Variants in FER observed in about 807,000 individuals in gnomAD.
FER encodes tyrosine-protein kinase Fer.
FER carries 63 observed loss-of-function variants against 111.0 expected under a neutral mutation model. That is an observed-to-expected ratio of 0.57 (90% CI 0.46 to 0.70). The LOEUF (loss-of-function observed/expected upper bound fraction) is 0.70. Ranked by LOEUF, FER falls within the 30% of genes least tolerant of loss-of-function variation. The pLI, the probability that FER is intolerant of heterozygous loss-of-function variation, is 0.00. For synonymous variants in FER, 327 were observed against 313.9 expected (o/e 1.04, Z -0.44); for missense variants, 914 against 954.0 (o/e 0.96, Z 0.55).
intron 17 of FER, among the ~76,000 whole-genome samples, chr5:109,152,854 C>T (rs913019889): frequency 2.0e-4 from 30 of 151,938 alleles, no homozygotes; most frequent in Middle Eastern, 6.8e-3. Flanking sequence ...ATAAAACTTT[C>T]ATTGTAAAAG....
intron 10 of FER, among the ~76,000 whole-genome samples, chr5:108,935,150 C>G (rs1401754038): frequency 6.6e-6 from 1 of 152,056 alleles, no homozygotes. Context: ...AAAATTACCA[C>G]AAATTTGGTG....
intron 10 of FER, among the ~76,000 whole-genome samples, chr5:108,900,227 T>A (rs1331000002): frequency 6.6e-6 from 1 of 152,022 alleles, no homozygotes; most frequent in Non-Finnish European, 1.5e-5. Flanking sequence ...TTTTACAGCA[T>A]TTTTTCAGAA....
At chr5:109,177,189 C>T (rs1757792374) in intron 17 of FER, among the ~76,000 whole-genome samples, 3 of 152,126 alleles carry the variant, frequency 2.0e-5, no homozygotes, top group Admixed American at 2.0e-4. Context: ...AATATGCTTG[C>T]AGCTAACTAT....
intron 10 of FER, among the ~76,000 whole-genome samples, chr5:108,943,594 G>A (rs946331660): frequency 2.0e-5 from 3 of 152,032 alleles, no homozygotes; most frequent in Non-Finnish European, 4.4e-5. Context: ...GGGAATGGGG[G>A]CACTAAATGG....
chr5:109,060,766 G>A (rs530958455), intron 16 of FER, among the ~76,000 whole-genome samples: 1,612 of 124,266 alleles, frequency 0.013, 30 homozygotes, highest in African/African-American at 0.041. Context: ...TGTGGTGTGT[G>A]TGTGTGTATA....
chr5:109,090,166 G>T (rs1292412080), intron 16 of FER, among the ~76,000 whole-genome samples: 2 of 152,180 alleles, frequency 1.3e-5, no homozygotes, highest in East Asian at 3.9e-4. Context: ...AGAGTGACTT[G>T]CTGTGGCAAT....
At chr5:108,953,916 TCTTA>T (rs1225375542) in intron 11 of FER, among the ~76,000 whole-genome samples, 2 of 152,090 alleles carry the variant, frequency 1.3e-5, no homozygotes, top group African/African-American at 4.8e-5. Context: ...TCAACAAGAT[TCTTA>T]CTTGTAATCA....
chr5:108,940,635 C>T (rs1033088590), intron 10 of FER, among the ~76,000 whole-genome samples: 2 of 151,958 alleles, frequency 1.3e-5, no homozygotes, highest in African/African-American at 4.8e-5. Flanking sequence ...CAGGTGTAGG[C>T]CGATGTGAAA....
At chr5:108,901,824 G>C (rs1212750529) in intron 10 of FER, among the ~76,000 whole-genome samples, 1 of 152,112 alleles carries the variant, frequency 6.6e-6, no homozygotes, top group Non-Finnish European at 1.5e-5. Flanking sequence ...GGTGGCACAT[G>C]CCTGTAATGC....
chr5:108,785,241 A>G (rs1754561867), intron 2 of FER: 2 of 584,004 alleles, frequency 3.4e-6, no homozygotes, highest in South Asian at 1.8e-5. Flanking sequence ...GGAGGCAAGG[A>G]TGGCCAGGCC....
chr5:109,161,932 T>A (rs185671549), intron 17 of FER, among the ~76,000 whole-genome samples: 17 of 152,262 alleles, frequency 1.1e-4, no homozygotes, highest in Admixed American at 1.1e-3. Flanking sequence ...TAGCATCTGT[T>A]ACTTACTTTT....
chr5:108,944,561 A>G (rs1756716569), intron 10 of FER, among the ~76,000 whole-genome samples: 2 of 152,094 alleles, frequency 1.3e-5, no homozygotes, highest in Non-Finnish European at 2.9e-5. Context: ...TAGCCATTTG[A>G]TTGTTTGATG....
At chr5:109,167,358 A>G (rs180809385) in intron 17 of FER, among the ~76,000 whole-genome samples, 256 of 152,306 alleles carry the variant, frequency 1.7e-3, no homozygotes, top group African/African-American at 5.7e-3. Flanking sequence ...TTTTGTGTAT[A>G]TGTCAGTCAA....
intron 17 of FER, among the ~76,000 whole-genome samples, chr5:109,171,220 G>A (rs1385934771): frequency 6.6e-6 from 1 of 152,150 alleles, no homozygotes; most frequent in Non-Finnish European, 1.5e-5. Flanking sequence ...TCATAAAATT[G>A]TTCGACATCA....
At chr5:109,011,718 C>G (rs759211616) in intron 13 of FER, among the ~76,000 whole-genome samples, 64 of 152,054 alleles carry the variant, frequency 4.2e-4, no homozygotes, top group Non-Finnish European at 6.6e-4. Flanking sequence ...TCTTTTTGCT[C>G]TCATTCAAAT....
chr5:108,906,037 C>T (rs1750712072), intron 10 of FER, among the ~76,000 whole-genome samples: 1 of 152,238 alleles, frequency 6.6e-6, no homozygotes, highest in African/African-American at 2.4e-5. Flanking sequence ...TGAGTCTTTG[C>T]CTCACCACTT....
intron 10 of FER, among the ~76,000 whole-genome samples, chr5:108,944,328 C>T (rs760165010): frequency 3.3e-5 from 5 of 152,094 alleles, no homozygotes; most frequent in African/African-American, 4.8e-5. Context: ...AACATTGCTT[C>T]TCCCTTCACC....
intron 17 of FER, among the ~76,000 whole-genome samples, chr5:109,176,308 G>T (rs1757680901): frequency 6.6e-6 from 1 of 152,106 alleles, no homozygotes; most frequent in Non-Finnish European, 1.5e-5. Context: ...TGTTTAAAAA[G>T]AATGAAATCC....
intron 3 of FER, among the ~76,000 whole-genome samples, chr5:108,815,582 C>A (rs993337800): frequency 1.3e-5 from 2 of 152,024 alleles, no homozygotes; most frequent in African/African-American, 4.8e-5. Flanking sequence ...TACTTTGCTT[C>A]TTCTTCTTTA....
Sources: allele counts gnomAD v4.1 joint callset (sites outside exome capture counted in the v4.1 genomes callset), GRCh38; gene constraint gnomAD v4.1.1; transcripts MANE v1.5; gene names NCBI Gene and HGNC (gene_info 2026-07-23, HGNC 2026-07-21).